The following UNC13B variants were observed in gnomAD, a reference collection of about 807,000 sequenced individuals.
UNC13B encodes the protein unc-13 homolog B, also known as protein unc-13 homolog B.
Under a neutral mutation model 211.0 loss-of-function variants are expected in UNC13B, and 144 were observed. That is an observed-to-expected ratio of 0.68 (90% CI 0.60 to 0.78). The LOEUF (loss-of-function observed/expected upper bound fraction) is 0.78. Ranked by LOEUF, UNC13B falls within the 30% of genes least tolerant of loss-of-function variation. The pLI is 0.00. For missense variants in UNC13B, 1,777 were observed against 2,002.0 expected (o/e 0.89, Z 2.14); for synonymous variants, 709 against 725.8 (o/e 0.98, Z 0.37).
chr9:35,249,678 T>C (rs1423153932), intron 6 of UNC13B, among the ~76,000 whole-genome samples: 1 of 152,228 alleles, frequency 6.6e-6, no homozygotes, highest in Admixed American at 6.5e-5. Flanking sequence ...TGTTGAATAT[T>C]GGCCCCCACT....
intron 1 of UNC13B, among the ~76,000 whole-genome samples, chr9:35,169,946 T>C (rs927328891): frequency 9.9e-5 from 15 of 152,214 alleles, no homozygotes; most frequent in Admixed American, 9.8e-4. Context: ...TCTCTGTGCA[T>C]GTTTATGACA....
chr9:35,403,182 A>T lies in UNC13B; in HGVS notation c.12500A>T (p.Asp4167Val). ...SQTTQGSGVD[D>V]PVGEVSIQVD... is the part of the protein sequence containing the mutation. The stretch of plus-strand genomic sequence containing the variant: ...TGTCCCTCAGGGTCTGGTGTGGACG[A>T]TCCTGTGGGAGAAGTCTCTATTCAG... Residue 4167 changes from aspartate (D) to valine (V), a missense_variant, in exon 38 of 40, where the codon GAT becomes GTT. Physicochemically the swap from Asp to Val is radical, Grantham distance 152 (BLOSUM62 -3). Transcript: ENST00000635942. 1.9e-6 allele frequency: 3 copies of T among 1,614,070 alleles called. No homozygotes were observed. The highest frequency in any genetic ancestry group is 8.5e-7 in the Non-Finnish European group (1 of 1,179,982).
intron 1 of UNC13B, among the ~76,000 whole-genome samples, chr9:35,201,511 G>A (rs1376894864): frequency 6.6e-6 from 1 of 152,188 alleles, no homozygotes; most frequent in Non-Finnish European, 1.5e-5. Flanking sequence ...CTCAATTTCA[G>A]AGCCTGTTAT....
chr9:35,275,260 C>T (rs1192842854), intron 7 of UNC13B, among the ~76,000 whole-genome samples: 3 of 152,172 alleles, frequency 2.0e-5, no homozygotes, highest in East Asian at 1.9e-4. Flanking sequence ...TACCACCACC[C>T]TGTGGTGGCA....
At chr9:35,292,591 A>G (rs1022702174) in intron 7 of UNC13B, among the ~76,000 whole-genome samples, 3 of 152,100 alleles carry the variant, frequency 2.0e-5, no homozygotes, top group African/African-American at 7.2e-5. Flanking sequence ...AATTCATAGC[A>G]CTTGGTTTGT....
intron 1 of UNC13B, among the ~76,000 whole-genome samples, chr9:35,162,684 A>G (rs1820844180): frequency 1.3e-5 from 2 of 152,188 alleles, no homozygotes; most frequent in Admixed American, 6.5e-5. Flanking sequence ...GTAACGCTAC[A>G]GTATGCTTAG....
At chr9:35,199,862 AT>A (rs1450125652) in intron 1 of UNC13B, among the ~76,000 whole-genome samples, 3 of 152,142 alleles carry the variant, frequency 2.0e-5, no homozygotes, top group African/African-American at 7.2e-5. Context: ...CCATTTGTCA[AT>A]TTTGGCTTTT....
At chr9:35,182,992 A>T (rs927957544) in intron 1 of UNC13B, among the ~76,000 whole-genome samples, 4 of 152,006 alleles carry the variant, frequency 2.6e-5, no homozygotes, top group African/African-American at 9.7e-5. Flanking sequence ...GTCTCTTCAG[A>T]GCTGTTGGGT....
intron 1 of UNC13B, among the ~76,000 whole-genome samples, chr9:35,180,693 A>G (rs1232939885): frequency 6.6e-6 from 1 of 152,208 alleles, no homozygotes; most frequent in Non-Finnish European, 1.5e-5. Context: ...TGTAAATTAC[A>G]TACTCTACAA....
In UNC13B at chr9:35,306,087, C is replaced by A. The variant is rs1829907705; in HGVS notation, c.6683C>A (p.Thr2228Asn). 1 of 398,882 alleles carries A rather than the reference C, an allele frequency of 2.5e-6. No individual in the cohort carries two copies. The allele number at this position is 398,882 out of a possible 1,614,324, so 24.7% of individuals were successfully genotyped here. ...TCCTTTTTGGATCAAAAAAAGGAGACCTCTGGGGAAAAACAAAGCATTTCA... is the reference window on the plus strand; with the variant it reads ...TCCTTTTTGGATCAAAAAAAGGAGAACTCTGGGGAAAAACAAAGCATTTCA... ...SLSFLDQKKE[T>N]SGEKQSISTV... The change falls in exon 9 of 40, where the codon ACC becomes AAC. Residue 2228 changes from threonine to asparagine, a missense_variant. Coordinates refer to ENST00000635942, the MANE Select transcript of UNC13B (RefSeq NM_001371189.2).
At chr9:35,339,819 G>A (rs1831877786) in intron 11 of UNC13B, among the ~76,000 whole-genome samples, 1 of 152,244 alleles carries the variant, frequency 6.6e-6, no homozygotes, top group South Asian at 2.1e-4. Flanking sequence ...CCTCAGAAAT[G>A]CCATCTGGAG....
At chr9:35,183,692 G>A (rs1395469907) in intron 1 of UNC13B, among the ~76,000 whole-genome samples, 10 of 136,906 alleles carry the variant, frequency 7.3e-5, no homozygotes, top group Non-Finnish European at 1.3e-4. Flanking sequence ...CTTCCCAGAC[G>A]GGGCAGCTGG....
intron 1 of UNC13B, among the ~76,000 whole-genome samples, chr9:35,173,438 T>G (rs1487054374): frequency 3.3e-5 from 5 of 151,976 alleles, no homozygotes; most frequent in African/African-American, 1.2e-4. Flanking sequence ...TTTTTTTTTT[T>G]TTGGGGACAG....
At chr9:35,397,811 C>G in intron 30 of UNC13B, 99 bp downstream of exon 30, 1 of 1,204,624 alleles carries the variant, frequency 8.3e-7, no homozygotes, top group Non-Finnish European at 1.2e-6. Context: ...GGGTGACACT[C>G]CTGATGCCTG....
intron 11 of UNC13B, among the ~76,000 whole-genome samples, chr9:35,347,297 T>G (rs368290078): frequency 6.6e-6 from 1 of 152,246 alleles, no homozygotes; most frequent in Non-Finnish European, 1.5e-5. Flanking sequence ...AGAGAGCAGG[T>G]ACTGCATCTT....
intron 6 of UNC13B, among the ~76,000 whole-genome samples, chr9:35,252,991 A>G (rs1315603700): frequency 6.6e-6 from 1 of 152,208 alleles, no homozygotes; most frequent in Non-Finnish European, 1.5e-5. Flanking sequence ...TATAGTCTGT[A>G]TAAGAAAAAC....
At chr9:35,395,739 C>T (rs1015943787) in intron 26 of UNC13B, among the ~76,000 whole-genome samples, 8 of 152,180 alleles carry the variant, frequency 5.3e-5, no homozygotes, top group Non-Finnish European at 2.9e-5. Flanking sequence ...TTAGATTTTC[C>T]AGAAGGCTCT....
chr9:35,404,017 C>T lies in UNC13B; in HGVS notation c.13007C>T (p.Thr4336Met), dbSNP rs374982765. Residue 4336 changes from threonine to methionine, a missense_variant, in exon 40 of 40, where the codon ACG becomes ATG. By Grantham distance (81) the Thr-to-Met change is moderately conservative. Transcript: ENST00000635942. ...FVKLKSESRS[T>M]EEGS ...AAACTCAAATCAGAGTCTCGTTCCA[C>T]GGAGGAGGGGAGCTGAACACCTTCG... 7.3e-5 allele frequency: 118 copies of T among 1,613,156 alleles called. No individual in the cohort carries two copies. Among genetic ancestry groups the T allele is most frequent in the Admixed American group, 3.0e-4 (18 of 59,990 alleles).
chr9:35,210,877 G>A (rs949841941), intron 1 of UNC13B, among the ~76,000 whole-genome samples: 1 of 152,028 alleles, frequency 6.6e-6, no homozygotes, highest in Non-Finnish European at 1.5e-5. Context: ...CAGAAATCTT[G>A]CAATGCCCCA....
Sources: allele counts gnomAD v4.1 joint callset (sites outside exome capture counted in the v4.1 genomes callset), GRCh38; gene constraint gnomAD v4.1.1; transcripts MANE v1.5; gene names NCBI Gene and HGNC (gene_info 2026-07-23, HGNC 2026-07-21).